TMEM132C: variants seen among roughly 807,000 people sequenced by gnomAD.
The protein encoded by TMEM132C is protein phosphatase 1, regulatory subunit 152.
A neutral mutation model predicts 61.4 loss-of-function variants in TMEM132C; 29 were observed. That is an observed-to-expected ratio of 0.47 (90% CI 0.35 to 0.64). The LOEUF (loss-of-function observed/expected upper bound fraction) is 0.64. Ranked by LOEUF, TMEM132C falls within the 30% of genes least tolerant of loss-of-function variation. The pLI is 0.00. For missense variants in TMEM132C, 1,408 were observed against 1,476.9 expected (o/e 0.95, Z 0.76); for synonymous variants, 656 against 633.1 (o/e 1.04, Z -0.54).
chr12:128,417,052 A>G (rs1422803535), intron 2 of TMEM132C, among the ~76,000 whole-genome samples: 1 of 152,140 alleles, frequency 6.6e-6, no homozygotes, highest in Non-Finnish European at 1.5e-5. Flanking sequence ...CTTGTGACTG[A>G]GGAGCCGGGA....
At chr12:128,599,275 A>G (rs1156691614) in intron 3 of TMEM132C, among the ~76,000 whole-genome samples, 1 of 152,176 alleles carries the variant, frequency 6.6e-6, no homozygotes, top group Non-Finnish European at 1.5e-5. Flanking sequence ...CTCCTTCTAC[A>G]CCTTTATAAC....
chr12:128,316,456 GGGAT>G (rs1872156720), intron 1 of TMEM132C, among the ~76,000 whole-genome samples: 1 of 152,216 alleles, frequency 6.6e-6, no homozygotes. Context: ...TTCCTGGGAA[GGGAT>G]GGGAGTTCAG....
intron 2 of TMEM132C, among the ~76,000 whole-genome samples, chr12:128,543,461 G>GGGCC (rs1164119377): frequency 2.6e-5 from 4 of 152,250 alleles, no homozygotes; most frequent in Middle Eastern, 3.4e-3. Flanking sequence ...TTGACACTGT[G>GGGCC]GGCCCAGTGG....
At chr12:128,504,433 T>C (rs958902428) in intron 2 of TMEM132C, among the ~76,000 whole-genome samples, 2 of 152,196 alleles carry the variant, frequency 1.3e-5, no homozygotes, top group Non-Finnish European at 2.9e-5. Context: ...AAAATACAGT[T>C]TGCTGCAATA....
At chr12:128,283,528 A>ATT (rs1566041449) in intron 1 of TMEM132C, among the ~76,000 whole-genome samples, 1 of 148,672 alleles carries the variant, frequency 6.7e-6, no homozygotes. Flanking sequence ...GTATCTAGGC[A>ATT]TCTCTCTCTC....
At chr12:128,376,023 C>T (rs1565917031) in intron 1 of TMEM132C, among the ~76,000 whole-genome samples, 1 of 152,178 alleles carries the variant, frequency 6.6e-6, no homozygotes, top group Admixed American at 6.5e-5. Context: ...TGGGAAGCTT[C>T]AGAGTTTCAA....
At chr12:128,398,766 G>T (rs1875048661) in intron 1 of TMEM132C, among the ~76,000 whole-genome samples, 1 of 152,188 alleles carries the variant, frequency 6.6e-6, no homozygotes, top group Non-Finnish European at 1.5e-5. Context: ...GTCGATATAT[G>T]ATATGCAGCA....
intron 2 of TMEM132C, among the ~76,000 whole-genome samples, chr12:128,464,886 G>T (rs1224606131): frequency 6.6e-6 from 1 of 152,086 alleles, no homozygotes; most frequent in East Asian, 1.9e-4. Flanking sequence ...GAGCATTAGG[G>T]CCTCAGGTAC....
intron 1 of TMEM132C, among the ~76,000 whole-genome samples, chr12:128,293,491 C>T (rs150942244): frequency 0.022 from 3,401 of 152,278 alleles, 67 homozygotes; most frequent in South Asian, 0.044. Flanking sequence ...CAAAGAACCT[C>T]GGGGCACTTG....
intron 3 of TMEM132C, among the ~76,000 whole-genome samples, chr12:128,566,433 G>A (rs999182570): frequency 4.6e-5 from 7 of 152,068 alleles, no homozygotes; most frequent in South Asian, 2.1e-4. Flanking sequence ...TTCTTTGCTC[G>A]TTTTATTTAA....
chr12:128,287,474 C>G (rs893104358), intron 1 of TMEM132C, among the ~76,000 whole-genome samples: 13 of 147,940 alleles, frequency 8.8e-5, no homozygotes, highest in African/African-American at 3.1e-4. Flanking sequence ...TCTCTCTCCC[C>G]CTCTGTCTGC....
intron 1 of TMEM132C, among the ~76,000 whole-genome samples, chr12:128,357,408 G>C (rs1873542988): frequency 1.3e-5 from 2 of 152,072 alleles, no homozygotes; most frequent in Admixed American, 1.3e-4. Flanking sequence ...AATTAAGAGG[G>C]AGCCCAGGCC....
At chr12:128,562,367 G>A (rs1410703301) in intron 3 of TMEM132C, among the ~76,000 whole-genome samples, 1 of 152,160 alleles carries the variant, frequency 6.6e-6, no homozygotes, top group Non-Finnish European at 1.5e-5. Context: ...ATCATGACAG[G>A]TTGTTCCGTA....
chr12:128,364,309 C>G (rs1007472177), intron 1 of TMEM132C, among the ~76,000 whole-genome samples: 1 of 148,476 alleles, frequency 6.7e-6, no homozygotes, highest in Non-Finnish European at 1.5e-5. Flanking sequence ...CTCTCTCTCC[C>G]CCTCCTCCCC....
At position 128,326,032 on chromosome 12, in the gene TMEM132C, G is replaced by C. The variant is rs1418156935; in HGVS notation, c.85+58545G>C. 6.6e-6 allele frequency among the ~76,000 whole-genome samples: 1 copy of C among 152,056 alleles called. No homozygotes were observed. The highest frequency in any genetic ancestry group is 2.4e-5 in the African/African-American group (1 of 41,386). On this transcript the variant is annotated intron_variant, in intron 1 of 8. Coordinates refer to ENST00000435159, the MANE Select transcript of TMEM132C (RefSeq NM_001136103.3). This position sits in a 1 kb window ranked among gnomAD's most constrained non-coding sequence, Gnocchi z 5.6. The stretch of plus-strand genomic sequence containing the variant: ...TTCCTGGGTCCTGACGCCATACTCA[G>C]GACATGGCCAGTATTCACACAGTAT...
At chr12:128,462,863 A>G (rs185015098) in intron 2 of TMEM132C, among the ~76,000 whole-genome samples, 1 of 152,322 alleles carries the variant, frequency 6.6e-6, no homozygotes, top group African/African-American at 2.4e-5. Flanking sequence ...GGCTGCAAGT[A>G]CCAGAACTCC....
chr12:128,352,273 T>C (rs890355789), intron 1 of TMEM132C, among the ~76,000 whole-genome samples: 6 of 152,274 alleles, frequency 3.9e-5, no homozygotes, highest in African/African-American at 1.4e-4. Flanking sequence ...AGCAAACATG[T>C]CCTTCTTCAC....
chr12:128,372,137 A>T (rs757880576), intron 1 of TMEM132C, among the ~76,000 whole-genome samples: 6 of 152,154 alleles, frequency 3.9e-5, no homozygotes, highest in Admixed American at 1.3e-4. Context: ...TGCCCCCATG[A>T]AGGGAGGTCC....
chr12:128,573,069 A>G (rs1274687170), intron 3 of TMEM132C, among the ~76,000 whole-genome samples: 1 of 152,230 alleles, frequency 6.6e-6, no homozygotes, highest in Admixed American at 6.5e-5. Context: ...CTAGAACTAG[A>G]AATACCATTT....
Sources: gnomAD v4.1 joint callset for allele counts (sites outside exome capture counted in the v4.1 genomes callset) on GRCh38, gnomAD v4.1.1 for gene constraint, Gnocchi (gnomAD v3.1) non-coding constraint, MANE v1.5 for transcripts, NCBI Gene and HGNC (gene_info 2026-07-23, HGNC 2026-07-21) for gene names.